Variants in PKNOX2 observed in about 807,000 individuals in gnomAD.
The protein encoded by PKNOX2 is PBX/knotted 1 homeobox 2.
A neutral mutation model predicts 53.1 loss-of-function variants in PKNOX2; 14 were observed. That is an observed-to-expected ratio of 0.26 (90% CI 0.17 to 0.41). PKNOX2 has a LOEUF of 0.41. Ranked by LOEUF, PKNOX2 falls within the 10% of genes least tolerant of loss-of-function variation. PKNOX2 has a pLI of 1.00. For missense variants in PKNOX2, 496 were observed against 602.8 expected (o/e 0.82, Z 1.85); for synonymous variants, 257 against 242.8 (o/e 1.06, Z -0.54).
At chr11:125,357,418 A>G (rs1465319186) in intron 4 of PKNOX2, among the ~76,000 whole-genome samples, 2 of 152,132 alleles carry the variant, frequency 1.3e-5, no homozygotes, top group African/African-American at 4.8e-5. Flanking sequence ...TGGTCTAGGT[A>G]TTTTATTTGA....
At position 125,352,915 on chromosome 11, in the gene PKNOX2, C is replaced by T. The variant is rs1951397841; in HGVS notation, c.87+1523C>T. ...TCCAACACTATGTCAAGTCCCTTCC[C>T]TCTGTAGTTTCAGCTCCCGAGACAA... On this transcript the variant is annotated intron_variant, in intron 4 of 12. Transcript: ENST00000298282. The surrounding 1 kb of genome is among the most constrained non-coding windows in gnomAD (Gnocchi z 4.1). Among the ~76,000 whole-genome samples the T allele has an allele frequency of 6.6e-6, 1 of 152,162 alleles. No homozygotes were observed. Among genetic ancestry groups the T allele is most frequent in the Non-Finnish European group, 1.5e-5 (1 of 68,026 alleles).
At chr11:125,398,561 G>A (rs1053693642) in intron 7 of PKNOX2, among the ~76,000 whole-genome samples, 6 of 152,178 alleles carry the variant, frequency 3.9e-5, no homozygotes, top group African/African-American at 9.7e-5. Flanking sequence ...AGGCACTCAC[G>A]CTACTCTGGC....
At chr11:125,220,495 C>A (rs1225114809) in intron 1 of PKNOX2, among the ~76,000 whole-genome samples, 2 of 152,138 alleles carry the variant, frequency 1.3e-5, no homozygotes, top group Non-Finnish European at 2.9e-5. Flanking sequence ...AAGGCAGAGG[C>A]AGCATCGGAG....
Position 125,356,868 on chromosome 11 carries a change from A to C in PKNOX2, c.87+5476A>C, listed in dbSNP as rs371119246. 9.9e-4 allele frequency among the ~76,000 whole-genome samples: 151 copies of C among 152,354 alleles called. 1 individual carries two copies. In the East Asian group the frequency reaches 0.027, roughly 28 times the overall value. ...CCCTGGCTGTGAATGGCCTCCATCC[A>C]GGCCACACAGCTGTGACAGGCAGAA... On this transcript the variant is annotated intron_variant, in intron 4 of 12. Coordinates refer to ENST00000298282, the MANE Select transcript of PKNOX2 (RefSeq NM_001382323.2).
chr11:125,413,202 G>T (rs1955666098), intron 10 of PKNOX2, among the ~76,000 whole-genome samples: 1 of 152,358 alleles, frequency 6.6e-6, no homozygotes, highest in Admixed American at 6.5e-5. Context: ...GAGAGGAGGG[G>T]CTGGAATGCT....
At chr11:125,388,697 C>G (rs375590288) in intron 6 of PKNOX2, among the ~76,000 whole-genome samples, 1 of 152,098 alleles carries the variant, frequency 6.6e-6, no homozygotes, top group African/African-American at 2.4e-5. Context: ...CCTCCCCATC[C>G]CCAGCTGGCC....
At chr11:125,167,697 T>G (rs1321999906) in intron 1 of PKNOX2, among the ~76,000 whole-genome samples, 1 of 152,242 alleles carries the variant, frequency 6.6e-6, no homozygotes, top group African/African-American at 2.4e-5. Context: ...TCTCTGCTTT[T>G]AAGTCTATAG....
intron 1 of PKNOX2, among the ~76,000 whole-genome samples, chr11:125,209,015 G>A (rs769522250): frequency 2.6e-5 from 4 of 152,014 alleles, no homozygotes; most frequent in South Asian, 2.1e-4. Context: ...AGCTGTGAGC[G>A]CAAATCGCTC....
intron 2 of PKNOX2, among the ~76,000 whole-genome samples, chr11:125,295,668 G>A (rs556281064): frequency 1.2e-4 from 18 of 152,304 alleles, no homozygotes; most frequent in Admixed American, 1.2e-3. Flanking sequence ...TTCAGTGAAA[G>A]GACAAGGAGG....
intron 1 of PKNOX2, among the ~76,000 whole-genome samples, chr11:125,221,004 A>C (rs1179662617): frequency 6.6e-6 from 1 of 152,144 alleles, no homozygotes; most frequent in African/African-American, 2.4e-5. Context: ...AAATACAAAA[A>C]ATCAGCTGGA....
chr11:125,423,795 G>A (rs1956282186), intron 10 of PKNOX2, among the ~76,000 whole-genome samples: 1 of 152,172 alleles, frequency 6.6e-6, no homozygotes, highest in Non-Finnish European at 1.5e-5. Flanking sequence ...GGGATGGGGA[G>A]GAGGTTAAGA....
Position 125,431,519 on chromosome 11 carries a change from A to G in PKNOX2, c.*127A>G. ...AGTTGGGCCCTAGCTTCCCCAAATC[A>G]GTAGCTTGAAGAAAGGCAAAGGAGA... On this transcript the variant is annotated 3_prime_UTR_variant, in exon 13 of 13. Transcript: ENST00000298282. The G allele has an allele frequency of 1.8e-6, 2 of 1,126,932 alleles. No homozygotes were observed. Among genetic ancestry groups the G allele is most frequent in the East Asian group, 5.3e-5 (2 of 37,432 alleles). The allele number at this position is 1,126,932 out of a possible 1,614,324, so 69.8% of individuals were successfully genotyped here.
chr11:125,235,338 T>C (rs1350110113), intron 2 of PKNOX2, among the ~76,000 whole-genome samples: 1 of 152,228 alleles, frequency 6.6e-6, no homozygotes, highest in Non-Finnish European at 1.5e-5. Flanking sequence ...ATATTGATTG[T>C]GCATTAAGGT....
chr11:125,274,503 TTTTG>T (rs1946029355), intron 2 of PKNOX2, among the ~76,000 whole-genome samples: 1 of 152,214 alleles, frequency 6.6e-6, no homozygotes, highest in South Asian at 2.1e-4. Context: ...AACCGTGGCC[TTTTG>T]TTTGTTTTGT....
chr11:125,203,794 C>T (rs1591479833), intron 1 of PKNOX2, among the ~76,000 whole-genome samples: 2 of 152,264 alleles, frequency 1.3e-5, no homozygotes, highest in East Asian at 1.9e-4. Context: ...CACTGCATGG[C>T]ACCTGGAGAG....
chr11:125,245,264 G>T (rs1254594575), intron 2 of PKNOX2, among the ~76,000 whole-genome samples: 5 of 152,166 alleles, frequency 3.3e-5, no homozygotes, highest in African/African-American at 1.2e-4. Flanking sequence ...CAGTCTAGGA[G>T]GCATCAGAGA....
At chr11:125,381,004 G>T (rs1397725518) in intron 5 of PKNOX2, among the ~76,000 whole-genome samples, 1 of 152,170 alleles carries the variant, frequency 6.6e-6, no homozygotes, top group Non-Finnish European at 1.5e-5. Flanking sequence ...CAGCTTGCGA[G>T]AAGCCCAGGA....
intron 2 of PKNOX2, among the ~76,000 whole-genome samples, chr11:125,263,316 C>T (rs1945027687): frequency 6.6e-6 from 1 of 152,226 alleles, no homozygotes; most frequent in Non-Finnish European, 1.5e-5. Context: ...CCTTCCCGTC[C>T]CTAGCAGTGG....
chr11:125,273,265 T>C (rs1945934954), intron 2 of PKNOX2, among the ~76,000 whole-genome samples: 1 of 152,144 alleles, frequency 6.6e-6, no homozygotes, highest in South Asian at 2.1e-4. Flanking sequence ...TCCCAGGTTA[T>C]ATGAAAATGA....
Sources: gnomAD v4.1 joint callset for allele counts (sites outside exome capture counted in the v4.1 genomes callset) on GRCh38, gnomAD v4.1.1 for gene constraint, Gnocchi (gnomAD v3.1) non-coding constraint, MANE v1.5 for transcripts, NCBI Gene and HGNC (gene_info 2026-07-23, HGNC 2026-07-21) for gene names.